PMEL: variants seen among roughly 807,000 people sequenced by gnomAD.
The protein encoded by PMEL is melanocyte protein PMEL.
In PMEL, 53 loss-of-function variants were observed where a neutral mutation model predicts 64.9. The observed-to-expected ratio is 0.82, with a 90% confidence interval of 0.66 to 1.03. The LOEUF (loss-of-function observed/expected upper bound fraction) is 1.03. PMEL is among the 50% of genes least tolerant of loss of function. The pLI is 0.00. For missense variants in PMEL, 716 were observed against 814.9 expected (o/e 0.88, Z 1.48); for synonymous variants, 299 against 316.2 (o/e 0.95, Z 0.58).
Position 55,955,470 on chromosome 12 carries a change from T to C in PMEL, c.1756A>G (p.Met586Val), listed in dbSNP as rs1888832452. 1.2e-6 allele frequency: 2 copies of C among 1,614,050 alleles called. No homozygotes were observed. Among genetic ancestry groups the C allele is most frequent in the South Asian group, 1.1e-5 (1 of 91,084 alleles). ...CTCTTGTCCAAGGACCTACCAGGCATGATAAGCTGGGTGCTGACCACTGCC... is the reference window on the plus strand; with the variant it reads ...CTCTTGTCCAAGGACCTACCAGGCACGATAAGCTGGGTGCTGACCACTGCC... Reference protein sequence around the residue: ...SLAVVSTQLIMPGQEAGLGQV... With the variant: ...SLAVVSTQLIVPGQEAGLGQV... Residue 586 changes from methionine to valine, a missense_variant, in exon 9 of 11, where the codon ATG becomes GTG. Met to Val is a conservative substitution (Grantham distance 21). Coordinates refer to ENST00000548747, the MANE Select transcript of PMEL (RefSeq NM_001384361.1).
chr12:55,958,301 A>G, intron 4 of PMEL, 172 bp downstream of exon 4: 1 of 794,430 alleles, frequency 1.3e-6, no homozygotes, highest in South Asian at 1.8e-5. Context: ...AGAAAGAATT[A>G]TGATAGAGTT....
intron 3 of PMEL, chr12:55,958,813 A>T (rs968725209): frequency 9.0e-5 from 49 of 542,394 alleles, no homozygotes; most frequent in Non-Finnish European, 1.4e-4. Context: ...ACAGGGTCTT[A>T]GTCTGATGCC....
intron 6 of PMEL, among the ~76,000 whole-genome samples, chr12:55,956,730 T>C (rs1888897476): frequency 6.6e-6 from 1 of 152,208 alleles, no homozygotes; most frequent in Non-Finnish European, 1.5e-5. Flanking sequence ...CAACAAGCTC[T>C]TTCCTCATGG....
Position 55,954,176 on chromosome 12 carries a change from G to T in PMEL, c.*38C>A. 1 of 1,568,472 alleles carries T rather than the reference G, an allele frequency of 6.4e-7. No homozygotes were observed. Among genetic ancestry groups the T allele is most frequent in the Non-Finnish European group, 8.6e-7 (1 of 1,157,440 alleles). ...GACTGGGGGAAATATAGGTGTTTCT[G>T]TCAACTCCAGGAAAATCACAGCATC... On this transcript the variant is annotated 3_prime_UTR_variant, in exon 11 of 11. Coordinates refer to ENST00000548747, the MANE Select transcript of PMEL (RefSeq NM_001384361.1).
In PMEL at chr12:55,954,213, C is replaced by G. The variant is rs1888725349; in HGVS notation, c.*1G>C. The G allele has an allele frequency of 6.2e-7, 1 of 1,609,322 alleles. No homozygotes were observed. Among genetic ancestry groups the G allele is most frequent in the African/African-American group, 1.3e-5 (1 of 74,720 alleles). ...AAAATCACAGCATCATATGAGAGTACTCAGACCTGCTGCCCACTGAGGAGG... is the reference window on the plus strand; with the variant it reads ...AAAATCACAGCATCATATGAGAGTAGTCAGACCTGCTGCCCACTGAGGAGG... On this transcript the variant is annotated 3_prime_UTR_variant, in exon 11 of 11. Coordinates refer to ENST00000548747, the MANE Select transcript of PMEL (RefSeq NM_001384361.1).
intron 3 of PMEL, among the ~76,000 whole-genome samples, chr12:55,960,544 T>G (rs541341128): frequency 3.6e-5 from 5 of 137,490 alleles, no homozygotes; most frequent in Admixed American, 7.1e-5. Context: ...TCTGTTTTTT[T>G]TTTTTTTTTT....
chr12:55,956,014 G>T, intron 7 of PMEL, 89 bp downstream of exon 7: 1 of 1,101,964 alleles, frequency 9.1e-7, no homozygotes, highest in Non-Finnish European at 1.4e-6. Context: ...CTATCTAGGT[G>T]AGTAATTCCT....
chr12:55,966,236 T>G, upstream of PMEL: 1 of 643,124 alleles, frequency 1.6e-6, no homozygotes, highest in Non-Finnish European at 2.6e-6. Context: ...TGGGTCACTC[T>G]CATCTTGATG....
intron 1 of PMEL, among the ~76,000 whole-genome samples, chr12:55,965,171 C>G (rs1445068497): frequency 1.3e-5 from 2 of 152,044 alleles, no homozygotes; most frequent in Non-Finnish European, 2.9e-5. Context: ...TCGTGATCCA[C>G]CTGCTTCAGC....
At chr12:55,966,048 G>A (rs746864135), upstream of PMEL, 21 of 1,614,064 alleles carry the variant, frequency 1.3e-5, no homozygotes, top group Non-Finnish European at 1.8e-5. Flanking sequence ...GCACTGGGGG[G>A]ACTGGGATAG....
intron 7 of PMEL, 45 bp from the exon 8 acceptor site, chr12:55,955,908 C>T (rs1183220665): frequency 6.5e-7 from 1 of 1,543,588 alleles, no homozygotes; most frequent in African/African-American, 1.4e-5. Flanking sequence ...TCTACCTGGC[C>T]TCCCCAAAAG....
At chr12:55,961,215 A>G (rs1889090330) in intron 3 of PMEL, 102 bp downstream of exon 3, 20 of 1,197,892 alleles carry the variant, frequency 1.7e-5, no homozygotes, top group Non-Finnish European at 2.4e-5. Flanking sequence ...AAAAAAGAAA[A>G]AAAAAAAAAA....
In PMEL at chr12:55,957,636, G is replaced by A. The variant is rs565085011; in HGVS notation, c.667C>T (p.Arg223Trp). ...VPFSVSVSQLRALDGGNKHFL... is the reference protein window; with the variant it reads ...VPFSVSVSQLWALDGGNKHFL... ...TGCTTGTTCCCTCCATCCAAGGCCCGCAACTGGGACACGCTCACGGAGAAA... is the reference window on the plus strand; with the variant it reads ...TGCTTGTTCCCTCCATCCAAGGCCCACAACTGGGACACGCTCACGGAGAAA... Residue 223 changes from arginine to tryptophan, a missense_variant, in exon 6 of 11, where the codon CGG becomes TGG. Coordinates refer to ENST00000548747, the MANE Select transcript of PMEL (RefSeq NM_001384361.1). 1.7e-5 allele frequency: 28 copies of A among 1,612,300 alleles called. No individual in the cohort carries two copies. The African/African-American group carries it at 2.4e-4, about 14-fold the overall frequency.
intron 3 of PMEL, among the ~76,000 whole-genome samples, chr12:55,959,060 G>A (rs1008584056): frequency 2.6e-5 from 4 of 151,044 alleles, no homozygotes; most frequent in African/African-American, 4.9e-5. Flanking sequence ...GTTTACAGGC[G>A]TGCACCACCA....
rs1592769638 is a variant in PMEL, at chr12:55,958,768, G to T, written c.335-161C>A. ...TAACCATTTGGGGTGGTAGTTGGGG[G>T]TTGAGGGTGTGGAAACTACATTTTT... On this transcript the variant is annotated intron_variant, in intron 3 of 10. Coordinates refer to ENST00000548747, the MANE Select transcript of PMEL (RefSeq NM_001384361.1). 1.1e-5 allele frequency: 8 copies of T among 712,122 alleles called. No homozygotes were observed. In the South Asian group the frequency reaches 1.4e-4, roughly 12 times the overall value. The allele number at this position is 712,122 out of a possible 1,614,324, so 44.1% of individuals were successfully genotyped here.
At chr12:55,960,537 G>GGTTTTTTTTTTTTTTTTTT (rs1565776187) in intron 3 of PMEL, among the ~76,000 whole-genome samples, 1 of 97,302 alleles carries the variant, frequency 1.0e-5, no homozygotes, top group African/African-American at 4.5e-5. Flanking sequence ...TTTGCTTTCT[G>GGTTTTTTTTTTTTTTTTTT]TTTTTTTTTT....
intron 1 of PMEL, among the ~76,000 whole-genome samples, chr12:55,964,576 G>C (rs930037110): frequency 6.6e-5 from 10 of 152,068 alleles, no homozygotes; most frequent in Non-Finnish European, 1.2e-4. Flanking sequence ...AAAGTGCTGG[G>C]ATTACAGGTG....
At chr12:55,956,850 T>C in intron 6 of PMEL, 99 bp downstream of exon 6, 1 of 1,328,860 alleles carries the variant, frequency 7.5e-7, no homozygotes, top group South Asian at 1.3e-5. Flanking sequence ...ACCATAGTGC[T>C]AAGCAAAGGA....
Position 55,957,940 on chromosome 12 carries a change from G to A in PMEL, c.614C>T (p.Ser205Leu). ...ACCCTTACCAGTAATGGTGAAGGCT[G>A]AGCTGGAATGAGCAAGAGGCACATA... ...RSYVPLAHSS[S>L]AFTITDQVPF... is the part of the protein sequence containing the mutation. Residue 205 changes from serine to leucine, a missense_variant, in exon 5 of 11, where the codon TCA (serine) becomes TTA (leucine). Coordinates refer to ENST00000548747, the MANE Select transcript of PMEL (RefSeq NM_001384361.1). The A allele has an allele frequency of 1.2e-6, 2 of 1,614,180 alleles. No individual in the cohort carries two copies. Among genetic ancestry groups the A allele is most frequent in the Non-Finnish European group, 1.7e-6 (2 of 1,180,038 alleles).
Sources: gnomAD v4.1 joint callset for allele counts (sites outside exome capture counted in the v4.1 genomes callset) on GRCh38, gnomAD v4.1.1 for gene constraint, MANE v1.5 for transcripts, NCBI Gene and HGNC (gene_info 2026-07-23, HGNC 2026-07-21) for gene names.